The following AMOTL1 variants were observed in gnomAD, a reference collection of about 807,000 sequenced individuals.
AMOTL1 encodes angiomotin like 1.
In AMOTL1, 45 loss-of-function variants were observed where a neutral mutation model predicts 102.9. That is an observed-to-expected ratio of 0.44 (90% CI 0.34 to 0.56). AMOTL1 has a LOEUF of 0.56. AMOTL1 is among the 20% of genes least tolerant of loss of function. The probability of loss-of-function intolerance (pLI) is 0.01; values close to 1 mark genes in which losing one functional copy is unlikely to be tolerated. For missense variants in AMOTL1, 1,114 were observed against 1,225.6 expected (o/e 0.91, Z 1.36); for synonymous variants, 481 against 484.7 (o/e 0.99, Z 0.10).
chr11:94,786,906 G>T (rs1420697491), intron 1 of AMOTL1, among the ~76,000 whole-genome samples: 2 of 152,088 alleles, frequency 1.3e-5, no homozygotes, highest in African/African-American at 4.8e-5. Context: ...GAAACTCTTC[G>T]GTACTAGGAA....
At chr11:94,767,902 C>A (rs976312542), upstream of AMOTL1, among the ~76,000 whole-genome samples, 23 of 152,100 alleles carry the variant, frequency 1.5e-4, no homozygotes, top group African/African-American at 5.3e-4. Context: ...ATCTCAAGTG[C>A]GTGATGGAAG....
chr11:94,806,267 A>G (rs1951566770), intron 3 of AMOTL1, among the ~76,000 whole-genome samples: 1 of 152,264 alleles, frequency 6.6e-6, no homozygotes, highest in Non-Finnish European at 1.5e-5. Context: ...GCTAAATCAC[A>G]GGCCTTACTC....
Position 94,874,504 on chromosome 11 carries a change from C to CT in AMOTL1, c.*3711dup, listed in dbSNP as rs1953062034. On this transcript the variant is annotated 3_prime_UTR_variant, in exon 13 of 13. Coordinates refer to ENST00000433060, the MANE Select transcript of AMOTL1 (RefSeq NM_130847.3). ...CATGTATGAGTTTGACTCCACAAGG[C>CT]TTGGCATGGATACCAAAACAGTTGC... 6.6e-6 allele frequency: 1 copy of CT among 152,240 alleles called. No individual in the cohort carries two copies. Among genetic ancestry groups the CT allele is most frequent in the Non-Finnish European group, 1.5e-5 (1 of 68,048 alleles). The allele number at this position is 152,240 out of a possible 1,614,324, so 9.4% of individuals were successfully genotyped here.
intron 1 of AMOTL1, among the ~76,000 whole-genome samples, chr11:94,774,270 G>A (rs1950993702): frequency 6.6e-6 from 1 of 152,204 alleles, no homozygotes; most frequent in Non-Finnish European, 1.5e-5. Flanking sequence ...AAGCTAGGAT[G>A]CCCTATTCAC....
At chr11:94,729,338 T>C (rs564335607) in intron 2 of AMOTL1, among the ~76,000 whole-genome samples, 42 of 152,268 alleles carry the variant, frequency 2.8e-4, no homozygotes, top group African/African-American at 9.9e-4. Context: ...CCATCAGCTG[T>C]CATGTAATGA....
chr11:94,779,421 G>A (rs1156772764), intron 1 of AMOTL1, among the ~76,000 whole-genome samples: 1 of 152,152 alleles, frequency 6.6e-6, no homozygotes, highest in Non-Finnish European at 1.5e-5. Flanking sequence ...GATAATACAA[G>A]TACGCAAGAT....
intron 3 of AMOTL1, among the ~76,000 whole-genome samples, chr11:94,752,058 G>A (rs571375328): frequency 6.6e-6 from 1 of 152,240 alleles, no homozygotes; most frequent in Non-Finnish European, 1.5e-5. Context: ...TGATCATTGT[G>A]GAATTTATCC....
At chr11:94,775,536 TG>T (rs910740798) in intron 1 of AMOTL1, among the ~76,000 whole-genome samples, 8 of 152,092 alleles carry the variant, frequency 5.3e-5, no homozygotes, top group Non-Finnish European at 1.5e-5. Context: ...CCCACATCTA[TG>T]TTTTTAAAGT....
At chr11:94,820,339 ACAC>A (rs1432754962) in intron 3 of AMOTL1, 1 of 152,532 alleles carries the variant, frequency 6.6e-6, no homozygotes, top group Non-Finnish European at 1.5e-5. Flanking sequence ...CATTCTGTGC[ACAC>A]CACAGGAGAG....
chr11:94,769,883 C>G (rs941501543), intron 1 of AMOTL1, among the ~76,000 whole-genome samples: 1 of 152,030 alleles, frequency 6.6e-6, no homozygotes, highest in Non-Finnish European at 1.5e-5. Context: ...TACGTGGTCT[C>G]GAGAGCCAGT....
chr11:94,832,603 C>T lies in AMOTL1; in HGVS notation c.1648+1062C>T, dbSNP rs115820357. 1.3e-3 allele frequency among the ~76,000 whole-genome samples: 198 copies of T among 152,274 alleles called. 1 individual carries two copies. The highest frequency in any genetic ancestry group is 4.5e-3 in the African/African-American group (186 of 41,556). ...TCCTTTGTGGTCTCAGATGATTGGC[C>T]CATGTTCCAGATTCACATAAAAGGC... On this transcript the variant is annotated intron_variant, in intron 6 of 12. Coordinates refer to ENST00000433060, the MANE Select transcript of AMOTL1 (RefSeq NM_130847.3).
chr11:94,732,662 C>T (rs903567074), intron 2 of AMOTL1, among the ~76,000 whole-genome samples: 7 of 152,158 alleles, frequency 4.6e-5, no homozygotes, highest in Admixed American at 2.0e-4. Context: ...GGATTTGGTA[C>T]GGAAGAGGAG....
chr11:94,833,121 C>T (rs1355625297), intron 6 of AMOTL1, among the ~76,000 whole-genome samples: 1 of 152,238 alleles, frequency 6.6e-6, no homozygotes, highest in Non-Finnish European at 1.5e-5. Context: ...ATATGCTCCA[C>T]TTGTGTTCTG....
chr11:94,754,906 A>G (rs4753617), intron 3 of AMOTL1, among the ~76,000 whole-genome samples: 21,249 of 152,172 alleles, frequency 0.14, 3,255 homozygotes, highest in African/African-American at 0.36. Flanking sequence ...AGATAATTTG[A>G]ATTCAGATCC....
chr11:94,832,756 C>T (rs567452100), intron 6 of AMOTL1, among the ~76,000 whole-genome samples: 5 of 152,334 alleles, frequency 3.3e-5, no homozygotes, highest in South Asian at 2.1e-4. Flanking sequence ...CATTTAAGAT[C>T]GTGACACATT....
chr11:94,807,169 T>C (rs1951580991), intron 3 of AMOTL1, among the ~76,000 whole-genome samples: 1 of 151,896 alleles, frequency 6.6e-6, no homozygotes, highest in Non-Finnish European at 1.5e-5. Flanking sequence ...AGAAAGAAAA[T>C]AGAAATTGCC....
intron 3 of AMOTL1, among the ~76,000 whole-genome samples, chr11:94,761,330 A>C (rs1950790217): frequency 6.6e-6 from 1 of 151,718 alleles, no homozygotes; most frequent in South Asian, 2.1e-4. Context: ...CTTGGATTAC[A>C]GGCACCTGCC....
At chr11:94,865,380 T>G (rs1238447122) in intron 10 of AMOTL1, among the ~76,000 whole-genome samples, 1 of 152,214 alleles carries the variant, frequency 6.6e-6, no homozygotes, top group Non-Finnish European at 1.5e-5. Context: ...CTGGGAGCCC[T>G]AGGCCTCTTA....
intron 12 of AMOTL1, 95 bp from the exon 13 acceptor site, chr11:94,870,594 G>A (rs1952977876): frequency 1.2e-6 from 1 of 817,290 alleles, no homozygotes; most frequent in South Asian, 1.8e-5. Context: ...TCCTGGGTGT[G>A]CAGTGGTATC....
Sources: gnomAD v4.1 joint callset for allele counts (sites outside exome capture counted in the v4.1 genomes callset) on GRCh38, gnomAD v4.1.1 for gene constraint, MANE v1.5 for transcripts, NCBI Gene and HGNC (gene_info 2026-07-23, HGNC 2026-07-21) for gene names.